The following PTK2 variants were observed in gnomAD, a reference collection of about 807,000 sequenced individuals.
The protein encoded by PTK2 is protein tyrosine kinase 2, also known as focal adhesion kinase 1.
A neutral mutation model predicts 150.1 loss-of-function variants in PTK2; 45 were observed. The ratio of observed to expected loss-of-function variants is 0.30; its 90% CI spans 0.24 to 0.38. PTK2 has a LOEUF of 0.38. Ranked by LOEUF, PTK2 falls within the 10% of genes least tolerant of loss-of-function variation. PTK2 has a pLI of 1.00. For missense variants in PTK2, 919 were observed against 1,307.3 expected, an observed-to-expected ratio of 0.70 and a Z score of 4.58; for synonymous variants, 432 against 449.2, an observed-to-expected ratio of 0.96 and a Z score of 0.48.
chr8:140,794,872 A>C (rs570468691), intron 12 of PTK2, among the ~76,000 whole-genome samples: 1 of 152,164 alleles, frequency 6.6e-6, no homozygotes, highest in South Asian at 2.1e-4. Flanking sequence ...CCTGACCTGA[A>C]CTTGTCTACA....
rs571260432 is a variant in PTK2 at position 140,720,462 on chromosome 8, A to T, written c.2031-2753T>A. On this transcript the variant is annotated intron_variant, in intron 22 of 31. Coordinates refer to ENST00000522684, the Ensembl canonical transcript of PTK2. The stretch of plus-strand genomic sequence containing the variant: ...AAAACAGCAAGGCTCAATCAAACTC[A>T]AGGAGTTTGAGTCACACTGACATCA... Among the ~76,000 whole-genome samples, 15 of 152,180 alleles carry T rather than the reference A, an allele frequency of 9.9e-5. No individual in the cohort carries two copies. The East Asian group carries it at 2.7e-3, about 27-fold the overall frequency.
chr8:140,682,769 G>C (rs758204934), intron 27 of PTK2, among the ~76,000 whole-genome samples: 1 of 151,990 alleles, frequency 6.6e-6, no homozygotes, highest in Non-Finnish European at 1.5e-5. Context: ...ATGACTTCTG[G>C]GTAAGGCAGA....
At chr8:140,890,688 C>G in exon 3 of PTK2, 1 of 1,614,116 alleles carries the variant, frequency 6.2e-7, no homozygotes, top group Non-Finnish European at 8.5e-7. Flanking sequence ...AGTCTTAGTA[C>G]TCGAATTTGG....
At chr8:140,937,866 T>A (rs2100174241) in intron 1 of PTK2, among the ~76,000 whole-genome samples, 1 of 152,126 alleles carries the variant, frequency 6.6e-6, no homozygotes, top group South Asian at 2.1e-4. Flanking sequence ...GGCAGGAGGA[T>A]CACCAGAGTC....
At chr8:140,975,782 G>A (rs375027867) in intron 1 of PTK2, among the ~76,000 whole-genome samples, 4 of 152,244 alleles carry the variant, frequency 2.6e-5, no homozygotes, top group African/African-American at 7.2e-5. Context: ...CACGCTAAGA[G>A]ACAACTGCAC....
chr8:140,915,784 C>A (rs559316472), intron 2 of PTK2, among the ~76,000 whole-genome samples: 1 of 152,090 alleles, frequency 6.6e-6, no homozygotes, highest in African/African-American at 2.4e-5. Context: ...TTCCTGTAAT[C>A]CCAGCTACTT....
chr8:140,993,903 C>T (rs2100196659), intron 1 of PTK2, among the ~76,000 whole-genome samples: 1 of 152,002 alleles, frequency 6.6e-6, no homozygotes, highest in African/African-American at 2.4e-5. Flanking sequence ...CTAATTTTTG[C>T]ATCTCTTGTA....
At chr8:140,662,928 G>A in intron 31 of PTK2, 3 of 416,386 alleles carry the variant, frequency 7.2e-6, no homozygotes. Context: ...GATAAAAAAA[G>A]GCTGAGGAGC....
At chr8:140,887,386 T>C (rs559746270) in intron 3 of PTK2, among the ~76,000 whole-genome samples, 26 of 152,346 alleles carry the variant, frequency 1.7e-4, no homozygotes, top group African/African-American at 5.3e-4. Context: ...GTTGCTGTAA[T>C]GGATTTTGCC....
chr8:140,702,474 C>A, intron 25 of PTK2, 96 bp downstream of exon 28: 3 of 1,439,658 alleles, frequency 2.1e-6, no homozygotes, highest in South Asian at 2.8e-5. Flanking sequence ...CTACTTCAGC[C>A]TCCCAAAAGT....
At chr8:140,813,779 TAGA>T (rs2100102992) in intron 10 of PTK2, among the ~76,000 whole-genome samples, 2 of 151,360 alleles carry the variant, frequency 1.3e-5, no homozygotes, top group Non-Finnish European at 2.9e-5. Flanking sequence ...ACCCCAAAAC[TAGA>T]AGAAGAAAAG....
chr8:140,824,602 C>G (rs1002470247), intron 8 of PTK2, among the ~76,000 whole-genome samples: 4 of 152,204 alleles, frequency 2.6e-5, no homozygotes, highest in Admixed American at 2.6e-4. Flanking sequence ...CAGTGCTGGA[C>G]AGAAACTAGA....
At position 140,890,892 on chromosome 8, in the gene PTK2, TGAG is replaced by T. The variant is rs113229171; in HGVS notation, c.-32-126_-32-124del. On this transcript the variant is annotated intron_variant, in intron 2 of 31. Transcript: ENST00000522684. ...TGATATGTTATATGCGGAAGGAGTC[TGAG>T]GAGAATAGAGACCTAATCCACTAAA... The T allele has an allele frequency of 6.4e-3, 5,298 of 828,722 alleles. 182 individuals carry two copies. In the African/African-American group the frequency reaches 0.076, roughly 12 times the overall value. The allele number at this position is 828,722 out of a possible 1,614,324, so 51.3% of individuals were successfully genotyped here.
chr8:140,844,752 C>T (rs1228764119), intron 7 of PTK2, among the ~76,000 whole-genome samples: 1 of 152,152 alleles, frequency 6.6e-6, no homozygotes, highest in Non-Finnish European at 1.5e-5. Context: ...GATCTAAGCA[C>T]AGGGTACCAT....
intron 2 of PTK2, among the ~76,000 whole-genome samples, chr8:140,916,797 C>T (rs1457877021): frequency 2.0e-5 from 3 of 152,216 alleles, no homozygotes; most frequent in African/African-American, 7.2e-5. Flanking sequence ...ACAGGCACTG[C>T]AGTTAGATTC....
intron 1 of PTK2, among the ~76,000 whole-genome samples, chr8:140,994,401 T>C (rs144655283): frequency 0.011 from 1,614 of 152,360 alleles, 16 homozygotes; most frequent in Non-Finnish European, 0.016. Context: ...TCAGTGCCAT[T>C]TATTCAACAG....
chr8:140,835,568 T>C (rs771088667), intron 7 of PTK2, among the ~76,000 whole-genome samples: 1 of 152,136 alleles, frequency 6.6e-6, no homozygotes, highest in Non-Finnish European at 1.5e-5. Context: ...GCAACAGAGA[T>C]TGCTGTTTCT....
chr8:140,674,696 GCCATTGCA>G, intron 28 of PTK2, among the ~76,000 whole-genome samples: 1 of 148,908 alleles, frequency 6.7e-6, no homozygotes, highest in East Asian at 2.0e-4. Flanking sequence ...TTGAGATCGT[GCCATTGCA>G]CTCTAGCCTA....
intron 1 of PTK2, among the ~76,000 whole-genome samples, chr8:140,962,478 G>C (rs1393681967): frequency 1.3e-5 from 2 of 152,092 alleles, no homozygotes; most frequent in Non-Finnish European, 2.9e-5. Flanking sequence ...TACTCTGTGA[G>C]GGGCCTGAGG....
Sources: gnomAD v4.1 joint callset for allele counts (sites outside exome capture counted in the v4.1 genomes callset) on GRCh38, gnomAD v4.1.1 for gene constraint, MANE v1.5 for transcripts, NCBI Gene and HGNC (gene_info 2026-07-23, HGNC 2026-07-21) for gene names.